The following XPO4 variants were observed in gnomAD, a reference collection of about 807,000 sequenced individuals.
XPO4 encodes exportin 4, also known as exportin-4.
In XPO4, 39 loss-of-function variants were observed where a neutral mutation model predicts 143.0. That is an observed-to-expected ratio of 0.27 (90% CI 0.21 to 0.36). The LOEUF (loss-of-function observed/expected upper bound fraction) is 0.36. Among genes scored for constraint, XPO4 ranks in the 10% least tolerant of loss-of-function variants. The probability of loss-of-function intolerance (pLI) is 1.00; values close to 1 mark genes in which losing one functional copy is unlikely to be tolerated. For synonymous variants in XPO4, 439 were observed against 474.0 expected (o/e 0.93, Z 0.96); for missense variants, 907 against 1,348.0 (o/e 0.67, Z 5.12).
At chr13:20,879,730 T>C (rs2060388087) in intron 1 of XPO4, among the ~76,000 whole-genome samples, 1 of 152,054 alleles carries the variant, frequency 6.6e-6, no homozygotes, top group African/African-American at 2.4e-5. Flanking sequence ...TCACCAAAAT[T>C]AAAAACTTCT....
intron 7 of XPO4, among the ~76,000 whole-genome samples, chr13:20,825,297 A>G (rs1378761882): frequency 6.6e-6 from 1 of 152,250 alleles, no homozygotes; most frequent in East Asian, 1.9e-4. Context: ...ATGCAACAGT[A>G]TACTGATGCT....
chr13:20,848,330 C>A (rs2060047849), intron 4 of XPO4: 2 of 985,268 alleles, frequency 2.0e-6, no homozygotes, highest in East Asian at 2.3e-4. Context: ...TGGGCTCTAA[C>A]AGTCCAAGAT....
rs1292516723 is a variant in XPO4, at chr13:20,787,073, A to G, written c.3166-16T>C. The G allele has an allele frequency of 3.9e-6, 6 of 1,552,462 alleles. No individual in the cohort carries two copies. The highest frequency in any genetic ancestry group is 5.2e-6 in the Non-Finnish European group (6 of 1,146,598). On this transcript the variant is annotated splice_polypyrimidine_tract_variant and intron_variant, in intron 21 of 22. Coordinates refer to ENST00000255305, the MANE Select transcript of XPO4 (RefSeq NM_022459.5). Reference sequence around the variant, plus strand: ...CAAAAACCAGCTGAAATTACATAAGACTTCTAAATAAAAACATAGGATGAT... The same window carrying G: ...CAAAAACCAGCTGAAATTACATAAGGCTTCTAAATAAAAACATAGGATGAT...
intron 1 of XPO4, among the ~76,000 whole-genome samples, chr13:20,883,871 G>A (rs1486815097): frequency 1.3e-5 from 2 of 152,152 alleles, no homozygotes; most frequent in South Asian, 4.1e-4. Flanking sequence ...GGGTTCAAGC[G>A]ATTCTCCTGC....
intron 1 of XPO4, chr13:20,902,011 G>A (rs1384956913): frequency 2.2e-6 from 2 of 907,256 alleles, no homozygotes; most frequent in East Asian, 1.2e-4. Context: ...TGTAGTGTAA[G>A]CATGAAGTCA....
intron 1 of XPO4, among the ~76,000 whole-genome samples, chr13:20,895,169 C>T (rs532045566): frequency 6.6e-6 from 1 of 152,132 alleles, no homozygotes; most frequent in East Asian, 1.9e-4. Flanking sequence ...CAGAGTGAGA[C>T]TCCATCTCAA....
At chr13:20,796,481 T>C (rs2059359834) in intron 17 of XPO4, among the ~76,000 whole-genome samples, 1 of 152,018 alleles carries the variant, frequency 6.6e-6, no homozygotes, top group Non-Finnish European at 1.5e-5. Context: ...TATATTCAGG[T>C]GCAGCAAACC....
rs564252170 is a variant in XPO4, at chr13:20,843,052, T to C, written c.574-4A>G. ...AGATCTGACGAAGGTCTTCTTCCTA[T>C]AGTCAATAAATCACAAATATTTTAT... is the stretch of plus-strand genomic sequence containing the variant. On this transcript the variant is annotated splice_region_variant and splice_polypyrimidine_tract_variant and intron_variant, in intron 5 of 22. Transcript: ENST00000255305. 81 of 1,600,454 alleles carry C rather than the reference T, an allele frequency of 5.1e-5. No homozygotes were observed. The South Asian group carries it at 8.3e-4, about 16-fold the overall frequency.
At chr13:20,812,714 TTA>T (rs2059597824) in intron 9 of XPO4, among the ~76,000 whole-genome samples, 1 of 152,134 alleles carries the variant, frequency 6.6e-6, no homozygotes, top group African/African-American at 2.4e-5. Flanking sequence ...TATGCCAAAG[TTA>T]ATTTCTTAGT....
intron 13 of XPO4, among the ~76,000 whole-genome samples, chr13:20,801,246 G>T (rs1056491892): frequency 6.6e-6 from 1 of 152,154 alleles, no homozygotes; most frequent in African/African-American, 2.4e-5. Context: ...CCACATGTGT[G>T]AATATCAGCA....
At position 20,843,497 on chromosome 13, in the gene XPO4, A is replaced by T. The variant is rs2585902; in HGVS notation, c.573+273T>A. Among the ~76,000 whole-genome samples the T allele has an allele frequency of 1.1e-4, 16 of 152,068 alleles. No homozygotes were observed. The South Asian group carries it at 3.3e-3, about 32-fold the overall frequency. ...CCAGCAGAGTCCCTTCAATTGAATT[A>T]GTTATATCTAAACACAATAAGAAAT... On this transcript the variant is annotated intron_variant, in intron 5 of 22. Transcript: ENST00000255305.
At chr13:20,791,661 C>T (rs538099008) in intron 18 of XPO4, among the ~76,000 whole-genome samples, 82 of 152,208 alleles carry the variant, frequency 5.4e-4, no homozygotes, top group African/African-American at 1.7e-3. Flanking sequence ...ATTTAGAGCA[C>T]GATCACAAAG....
rs536546194 is a variant in XPO4 at position 20,876,572 on chromosome 13, A to T, written c.70-7871T>A. Among the ~76,000 whole-genome samples the T allele has an allele frequency of 1.1e-3, 163 of 152,310 alleles. 1 individual carries two copies. The highest frequency in any genetic ancestry group is 1.9e-3 in the Non-Finnish European group (127 of 68,022). ...CTTAAGATTTAAAAATGAAAAGCAA[A>T]ACTTTAATAGGAAGAAAACATAGGA... On this transcript the variant is annotated intron_variant, in intron 1 of 22. Transcript: ENST00000255305.
intron 4 of XPO4, chr13:20,852,944 T>A: frequency 1.0e-6 from 1 of 985,446 alleles, no homozygotes; most frequent in African/African-American, 1.7e-5. Flanking sequence ...TGGAAAATGC[T>A]TTTGCGGTCA....
chr13:20,814,108 A>G (rs1388373817), intron 9 of XPO4, among the ~76,000 whole-genome samples: 2 of 151,970 alleles, frequency 1.3e-5, no homozygotes, highest in African/African-American at 4.8e-5. Flanking sequence ...TTAAGTCTTA[A>G]CAGTTTATCT....
chr13:20,888,509 C>A (rs2060481588), intron 1 of XPO4, among the ~76,000 whole-genome samples: 1 of 152,114 alleles, frequency 6.6e-6, no homozygotes, highest in Non-Finnish European at 1.5e-5. Flanking sequence ...GGCCTCCACA[C>A]ATGGATAATT....
At chr13:20,836,094 T>C (rs1374151139) in intron 6 of XPO4, among the ~76,000 whole-genome samples, 1 of 152,180 alleles carries the variant, frequency 6.6e-6, no homozygotes, top group East Asian at 1.9e-4. Flanking sequence ...TAAAACGTTC[T>C]GGGGAGTAAA....
At chr13:20,817,457 T>C (rs2059663867) in intron 9 of XPO4, among the ~76,000 whole-genome samples, 1 of 152,246 alleles carries the variant, frequency 6.6e-6, no homozygotes, top group African/African-American at 2.4e-5. Flanking sequence ...CTGCTGGTCT[T>C]GAGATTAGGC....
chr13:20,816,998 C>T (rs1390993219), intron 9 of XPO4, among the ~76,000 whole-genome samples: 3 of 152,216 alleles, frequency 2.0e-5, no homozygotes, highest in African/African-American at 2.4e-5. Context: ...GGGTGGGGGG[C>T]GCTGGACAGC....
Sources: allele counts gnomAD v4.1 joint callset (sites outside exome capture counted in the v4.1 genomes callset), GRCh38; gene constraint gnomAD v4.1.1; transcripts MANE v1.5; gene names NCBI Gene and HGNC (gene_info 2026-07-23, HGNC 2026-07-21).